CASP6: variants seen among roughly 807,000 people sequenced by gnomAD.
CASP6 encodes caspase 6, also known as caspase-6.
Under a neutral mutation model 31.8 loss-of-function variants are expected in CASP6, and 20 were observed. That is an observed-to-expected ratio of 0.63 (90% CI 0.44 to 0.91). CASP6 has a LOEUF of 0.91. Ranked by LOEUF, CASP6 falls within the 40% of genes least tolerant of loss-of-function variation. The pLI is 0.00. For synonymous variants in CASP6, 130 were observed against 127.8 expected (o/e 1.02, Z -0.12); for missense variants, 328 against 361.1 (o/e 0.91, Z 0.74).
At chr4:109,702,137 G>T (rs1730438634) in intron 1 of CASP6, among the ~76,000 whole-genome samples, 1 of 152,210 alleles carries the variant, frequency 6.6e-6, no homozygotes, top group African/African-American at 2.4e-5. Flanking sequence ...GTGAAGGAAA[G>T]CCCCGGCTTC....
At chr4:109,674,969 C>G in the CASP6 span, among the ~76,000 whole-genome samples, 1 of 152,042 alleles carries the variant, frequency 6.6e-6, no homozygotes, top group Admixed American at 6.5e-5. Flanking sequence ...GACAGTATAC[C>G]CAAACTTTTA....
chr4:109,683,429 C>T, the CASP6 span, among the ~76,000 whole-genome samples: 175 of 151,952 alleles, frequency 1.2e-3, 1 homozygote, highest in African/African-American at 4.0e-3. Flanking sequence ...TTTTTTTTAT[C>T]GTTTACCATT....
At chr4:109,679,724 A>C in the CASP6 span, among the ~76,000 whole-genome samples, 1 of 152,242 alleles carries the variant, frequency 6.6e-6, no homozygotes, top group Non-Finnish European at 1.5e-5. Context: ...TAGTGGACTC[A>C]GACAAGCAGT....
the CASP6 span, among the ~76,000 whole-genome samples, chr4:109,676,498 C>A: frequency 6.6e-6 from 1 of 152,106 alleles, no homozygotes; most frequent in East Asian, 1.9e-4. Context: ...AACTTCTGAG[C>A]CCTCACCAGA....
chr4:109,683,836 C>T (rs1402329763), downstream of CASP6, among the ~76,000 whole-genome samples: 3 of 152,126 alleles, frequency 2.0e-5, no homozygotes, highest in East Asian at 1.9e-4. Flanking sequence ...TCAAATAGGC[C>T]TCTAATTTTA....
intron 2 of CASP6, 80 bp from the exon 3 acceptor site, chr4:109,697,848 GAT>G (rs1219732029): frequency 1.3e-6 from 2 of 1,484,902 alleles, no homozygotes; most frequent in Non-Finnish European, 1.8e-6. Context: ...TCAACATGTA[GAT>G]AGAGATCTGA....
At chr4:109,706,017 TATATATATATATATAA>T (rs1460135170), upstream of CASP6, among the ~76,000 whole-genome samples, 669 of 100,208 alleles carry the variant, frequency 6.7e-3, 49 homozygotes, top group African/African-American at 0.027. Flanking sequence ...TATATATATA[TATATATATATATATAA>T]TATATATAAA....
intron 4 of CASP6, among the ~76,000 whole-genome samples, chr4:109,695,348 T>C (rs916219613): frequency 4.6e-5 from 7 of 152,186 alleles, no homozygotes; most frequent in African/African-American, 1.4e-4. Context: ...CCAAGTTATT[T>C]TGGCAATAAA....
At position 109,703,358 on chromosome 4, in the gene CASP6, G is replaced by A; in HGVS notation, c.38C>T (p.Ala13Val). ...CCCAGTCGACGCCCCCTGCCTACCT[G>A]CCGGGTGCCCCCTGCGGAGCCCCGA... ...SASGLRRGHP[A>V]GGEENMTETD... Residue 13 changes from alanine to valine, a missense_variant and splice_region_variant, in exon 1 of 7, where the codon GCA (alanine) becomes GTA (valine). Transcript: ENST00000265164. The A allele has an allele frequency of 6.2e-7, 1 of 1,610,028 alleles. No homozygotes were observed. The highest frequency in any genetic ancestry group is 8.5e-7 in the Non-Finnish European group (1 of 1,178,530).
At chr4:109,681,796 C>T in the CASP6 span, among the ~76,000 whole-genome samples, 6 of 152,280 alleles carry the variant, frequency 3.9e-5, no homozygotes, top group Admixed American at 1.3e-4. Context: ...GAGTCTGCTA[C>T]GGCGGCAAAA....
rs191576703 is a variant in CASP6 at position 109,702,940 on chromosome 4, G to A, written c.40+416C>T. 5.5e-5 allele frequency: 10 copies of A among 182,846 alleles called. No individual in the cohort carries two copies. In the East Asian group the frequency reaches 1.4e-3, roughly 25 times the overall value. The allele number at this position is 182,846 out of a possible 1,614,324, so 11.3% of individuals were successfully genotyped here. On this transcript the variant is annotated intron_variant, in intron 1 of 6. Coordinates refer to ENST00000265164, the MANE Select transcript of CASP6 (RefSeq NM_001226.4). ...GAACAACCCCTCCTTTTCACTTTTC[G>A]AAGTGAGCAAACAAAAGATCCAACC...
At chr4:109,696,717 T>A (rs1337730840) in intron 3 of CASP6, among the ~76,000 whole-genome samples, 1 of 152,108 alleles carries the variant, frequency 6.6e-6, no homozygotes, top group Non-Finnish European at 1.5e-5. Flanking sequence ...TATGCAAATG[T>A]TAGTACAAAT....
chr4:109,696,931 T>A (rs1311080212), intron 3 of CASP6, among the ~76,000 whole-genome samples: 1 of 150,966 alleles, frequency 6.6e-6, no homozygotes, highest in Non-Finnish European at 1.5e-5. Context: ...GACTACAGGC[T>A]CCCACCACCA....
chr4:109,664,503 T>C, the CASP6 span: 6 of 577,968 alleles, frequency 1.0e-5, no homozygotes, highest in Non-Finnish European at 1.8e-5. Context: ...TAGCTCACTG[T>C]AATCTCAAAC....
At chr4:109,685,379 A>G, downstream of CASP6, 2 of 1,101,390 alleles carry the variant, frequency 1.8e-6, no homozygotes, top group Admixed American at 1.7e-5. Context: ...TATACTACAA[A>G]TACATCTTAT....
chr4:109,702,532 G>C (rs897662046), intron 1 of CASP6, among the ~76,000 whole-genome samples: 2 of 151,296 alleles, frequency 1.3e-5, no homozygotes, highest in Non-Finnish European at 2.9e-5. Flanking sequence ...AGTTAGGCTG[G>C]TCGAGAACTC....
intron 1 of CASP6, among the ~76,000 whole-genome samples, chr4:109,699,271 T>C (rs1730345134): frequency 6.6e-6 from 1 of 152,146 alleles, no homozygotes; most frequent in African/African-American, 2.4e-5. Flanking sequence ...AGATGCACCC[T>C]TCAGTTGAGG....
chr4:109,705,772 T>C (rs1333584191), upstream of CASP6, among the ~76,000 whole-genome samples: 1 of 149,702 alleles, frequency 6.7e-6, no homozygotes, highest in Non-Finnish European at 1.5e-5. Flanking sequence ...CCAGGAGTTT[T>C]GAGACCAGCC....
chr4:109,703,229 C>T, intron 1 of CASP6, 127 bp downstream of exon 1: 2 of 1,088,222 alleles, frequency 1.8e-6, no homozygotes, highest in Non-Finnish European at 2.6e-6. Context: ...CTCCAGGCCG[C>T]CCTGCAAAGC....
Sources: allele counts gnomAD v4.1 joint callset (sites outside exome capture counted in the v4.1 genomes callset), GRCh38; gene constraint gnomAD v4.1.1; transcripts MANE v1.5; gene names NCBI Gene and HGNC (gene_info 2026-07-23, HGNC 2026-07-21).